SRL: variants seen among roughly 807,000 people sequenced by gnomAD.
SRL encodes the protein sarcalumenin.
Under a neutral mutation model 39.5 loss-of-function variants are expected in SRL, and 23 were observed. The observed-to-expected ratio is 0.58, with a 90% confidence interval of 0.42 to 0.82. The LOEUF is 0.82. SRL is among the 40% of genes least tolerant of loss of function. The pLI, the probability that SRL is intolerant of heterozygous loss-of-function variation, is 0.00. For missense variants in SRL, 592 were observed against 607.8 expected (o/e 0.97, Z 0.27); for synonymous variants, 272 against 237.4 (o/e 1.15, Z -1.34).
chr16:4,206,801 C>T lies in SRL; in HGVS notation c.62-2167G>A, dbSNP rs1388461465. ...GCTCCTCTGCCTTCATATCCAGGGT[C>T]TCACTGCCCATGGACTCTGTATTCA... is the stretch of plus-strand genomic sequence containing the variant. On this transcript the variant is annotated intron_variant, in intron 1 of 5. Transcript: ENST00000399609. The T allele has an allele frequency of 1.3e-5, 6 of 456,832 alleles. No individual in the cohort carries two copies. The East Asian group carries it at 4.2e-4, about 32-fold the overall frequency. The allele number at this position is 456,832 out of a possible 1,614,324, so 28.3% of individuals were successfully genotyped here.
chr16:4,197,857 T>C lies in SRL; in HGVS notation c.318A>G (p.Lys106=). 1.2e-6 allele frequency: 2 copies of C among 1,614,168 alleles called. No homozygotes were observed. The highest frequency in any genetic ancestry group is 8.5e-7 in the Non-Finnish European group (1 of 1,180,000). The change falls in exon 4 of 6, where the codon AAA becomes AAG. Residue 106 remains lysine, a synonymous_variant. Transcript: ENST00000399609. The part of the protein sequence containing the change: ...VLFLGPWSVG[K]STMINYLLGL... ...CAAGGAGGTAGTTTATCATGGTAGA[T>C]TTACCAACACTCCACGGTCCCAGGA...
At chr16:4,238,507 A>G (rs979656320) in intron 1 of SRL, among the ~76,000 whole-genome samples, 2 of 152,204 alleles carry the variant, frequency 1.3e-5, no homozygotes, top group African/African-American at 4.8e-5. Context: ...AAAGGACTGA[A>G]TTCCAGCTCT....
chr16:4,211,130 A>G (rs2052386904), intron 1 of SRL, among the ~76,000 whole-genome samples: 1 of 152,072 alleles, frequency 6.6e-6, no homozygotes, highest in African/African-American at 2.4e-5. Context: ...TTTTGATTTA[A>G]ATAATCCAGG....
At chr16:4,212,626 C>G (rs976267414) in intron 1 of SRL, among the ~76,000 whole-genome samples, 1 of 152,212 alleles carries the variant, frequency 6.6e-6, no homozygotes, top group African/African-American at 2.4e-5. Context: ...GTGCTGCTGC[C>G]AGGGTGGCCC....
intron 1 of SRL, among the ~76,000 whole-genome samples, chr16:4,226,645 G>A (rs1373805017): frequency 6.6e-6 from 1 of 151,644 alleles, no homozygotes; most frequent in Non-Finnish European, 1.5e-5. Flanking sequence ...ATGGATGGAA[G>A]GAAGGAAGGG....
intron 1 of SRL, among the ~76,000 whole-genome samples, chr16:4,230,897 A>G (rs1013468601): frequency 5.3e-5 from 8 of 152,164 alleles, no homozygotes; most frequent in Non-Finnish European, 1.2e-4. Flanking sequence ...AATGCCAGGA[A>G]TTGCTGGCAA....
intron 5 of SRL, among the ~76,000 whole-genome samples, chr16:4,195,004 C>G (rs2052116992): frequency 6.6e-6 from 1 of 152,074 alleles, no homozygotes; most frequent in South Asian, 2.1e-4. Context: ...AAGCAATCCT[C>G]CCAACTCAGC....
intron 1 of SRL, among the ~76,000 whole-genome samples, chr16:4,211,312 TG>T (rs148373245): frequency 0.08 from 12,095 of 152,056 alleles, 546 homozygotes; most frequent in Middle Eastern, 0.17. Context: ...GCTCCCACGT[TG>T]GGGGGGGTCT....
chr16:4,239,629 C>T (rs1006314200), intron 1 of SRL: 12 of 152,456 alleles, frequency 7.9e-5, no homozygotes, highest in African/African-American at 2.2e-4. Context: ...TCCTTTCACA[C>T]TCACCGTACA....
rs1235404982 is a variant in SRL, at chr16:4,191,950, G to A, written c.*203C>T. ...TCAGGCCTCCTCATTGAAGCAACAA[G>A]ACAAGCACACAGGAATTCACAGTTT... On this transcript the variant is annotated 3_prime_UTR_variant, in exon 6 of 6. Coordinates refer to ENST00000399609, the MANE Select transcript of SRL (RefSeq NM_001098814.2). 3.7e-6 allele frequency: 2 copies of A among 538,820 alleles called. No individual in the cohort carries two copies. Among genetic ancestry groups the A allele is most frequent in the African/African-American group, 3.8e-5 (2 of 52,434 alleles). The allele number at this position is 538,820 out of a possible 1,614,324, so 33.4% of individuals were successfully genotyped here.
intron 1 of SRL, among the ~76,000 whole-genome samples, chr16:4,220,929 T>G (rs1567185448): frequency 6.6e-6 from 1 of 152,030 alleles, no homozygotes; most frequent in Admixed American, 6.6e-5. Context: ...TAGGCTGCAG[T>G]GAGCTATGAT....
chr16:4,204,459 A>ATACAGCCCCG, intron 2 of SRL, 74 bp downstream of exon 2: 1 of 981,562 alleles, frequency 1.0e-6, no homozygotes, highest in Non-Finnish European at 1.5e-6. Context: ...GGCTCTCAGG[A>ATACAGCCCCG]GCCTCCAGGA....
rs1338911455 is a variant in SRL at position 4,189,632 on chromosome 16, A to G, written c.*2521T>C. The G allele has an allele frequency of 6.6e-6, 1 of 152,306 alleles. No individual in the cohort carries two copies. The highest frequency in any genetic ancestry group is 1.5e-5 in the Non-Finnish European group (1 of 68,148). 9.4% of individuals were successfully genotyped at this position (152,306 alleles called of 1,614,324 possible). A position where few individuals can be genotyped will look rare whatever the true frequency, so the allele number is the denominator to read the frequency against. ...ATGGGCAGGCCTGTGAGCAGCAGAGACAAGAGAAATCAGAGAAGGAACACG... is the reference window on the plus strand; with the variant it reads ...ATGGGCAGGCCTGTGAGCAGCAGAGGCAAGAGAAATCAGAGAAGGAACACG... On this transcript the variant is annotated 3_prime_UTR_variant, in exon 6 of 6. Transcript: ENST00000399609.
chr16:4,227,561 G>A (rs1248655014), intron 1 of SRL, among the ~76,000 whole-genome samples: 1 of 152,084 alleles, frequency 6.6e-6, no homozygotes, highest in Non-Finnish European at 1.5e-5. Flanking sequence ...GTGGATGGAT[G>A]GATTGGTGGA....
chr16:4,203,915 C>T (rs1430940464), intron 2 of SRL, among the ~76,000 whole-genome samples: 7 of 152,238 alleles, frequency 4.6e-5, no homozygotes, highest in Admixed American at 3.3e-4. Flanking sequence ...TGTCAGTGTA[C>T]TCCCAGACAC....
intron 1 of SRL, among the ~76,000 whole-genome samples, chr16:4,229,175 G>C (rs554691423): frequency 6.6e-6 from 1 of 152,250 alleles, no homozygotes; most frequent in Non-Finnish European, 1.5e-5. Context: ...TGGGCGCAGT[G>C]GCTCGCAACT....
At position 4,219,577 on chromosome 16, in the gene SRL, C is replaced by A. The variant is rs575813399; in HGVS notation, c.62-14943G>T. ...CAAGCCACTGATTCTCCTGCCTCAG[C>A]CTGTTGAGTAGCTGGGACTACAGGT... is the stretch of plus-strand genomic sequence containing the variant. On this transcript the variant is annotated intron_variant, in intron 1 of 5. Transcript: ENST00000399609. 3.3e-5 allele frequency among the ~76,000 whole-genome samples: 5 copies of A among 152,302 alleles called. No individual in the cohort carries two copies. The East Asian group carries it at 9.6e-4, about 29-fold the overall frequency.
rs188825853 is a variant in SRL, at chr16:4,194,134, A to G, written c.611-1170T>C. 7.9e-5 allele frequency among the ~76,000 whole-genome samples: 12 copies of G among 152,308 alleles called. No individual in the cohort carries two copies. The East Asian group carries it at 2.3e-3, about 29-fold the overall frequency. ...GCAGACAGCCTTGCCTCATGGCAGGACTCAGTGGCCTACTCCATAGCCACA... is the reference window on the plus strand; with the variant it reads ...GCAGACAGCCTTGCCTCATGGCAGGGCTCAGTGGCCTACTCCATAGCCACA... On this transcript the variant is annotated intron_variant, in intron 5 of 5. Coordinates refer to ENST00000399609, the MANE Select transcript of SRL (RefSeq NM_001098814.2).
rs2052125255 is a variant in SRL at position 4,195,553 on chromosome 16, C to G, written c.610G>C (p.Gly204Arg). ...IIENRKQQER[G>R]YPFNDVCQWF... is the part of the protein sequence containing the mutation. Reference sequence around the variant, plus strand: ...TGTTCAGAAATGAGGGCTAAATTACCTCTTTCTTGCTGCTTGCGGTTCTCG... The same window carrying G: ...TGTTCAGAAATGAGGGCTAAATTACGTCTTTCTTGCTGCTTGCGGTTCTCG... Residue 204 changes from glycine to arginine, a missense_variant and splice_region_variant, in exon 5 of 6, where the codon GGC becomes CGC. Gly to Arg is a moderately radical substitution (Grantham distance 125, BLOSUM62 -2). Coordinates refer to ENST00000399609, the MANE Select transcript of SRL (RefSeq NM_001098814.2). 2 of 1,613,976 alleles carry G rather than the reference C, an allele frequency of 1.2e-6. No individual in the cohort carries two copies. Among genetic ancestry groups the G allele is most frequent in the Non-Finnish European group, 1.7e-6 (2 of 1,179,922 alleles).
Sources: allele counts gnomAD v4.1 joint callset (sites outside exome capture counted in the v4.1 genomes callset), GRCh38; gene constraint gnomAD v4.1.1; transcripts MANE v1.5; gene names NCBI Gene and HGNC (gene_info 2026-07-23, HGNC 2026-07-21).